The following MCTP2 variants were observed in gnomAD, a reference collection of about 807,000 sequenced individuals.
The protein encoded by MCTP2 is multiple C2 and transmembrane domain containing 2.
Under a neutral mutation model 111.6 loss-of-function variants are expected in MCTP2, and 132 were observed. That is an observed-to-expected ratio of 1.18 (90% CI 1.03 to 1.37). The LOEUF (loss-of-function observed/expected upper bound fraction) is 1.37. Ranked by LOEUF, MCTP2 falls within the 40% of genes most tolerant of loss-of-function variation. The pLI, the probability that MCTP2 is intolerant of heterozygous loss-of-function variation, is 0.00. For missense variants in MCTP2, 1,183 were observed against 1,067.9 expected, an observed-to-expected ratio of 1.11 and a Z score of -1.50; for synonymous variants, 395 against 387.7, an observed-to-expected ratio of 1.02 and a Z score of -0.22.
In MCTP2 at chr15:94,398,962, T is replaced by C; in HGVS notation, c.1790T>C (p.Ile597Thr). The C allele has an allele frequency of 6.5e-7, 1 of 1,528,432 alleles. No homozygotes were observed. Among genetic ancestry groups the C allele is most frequent in the South Asian group, 1.1e-5 (1 of 88,930 alleles). The allele number at this position is 1,528,432 out of a possible 1,614,324, so 94.7% of individuals were successfully genotyped here. A position where few individuals can be genotyped will look rare whatever the true frequency, so the allele number is the denominator to read the frequency against. The change falls in exon 15 of 23, where the codon ATT becomes ACT. Residue 597 changes from isoleucine to threonine, a missense_variant and splice_region_variant. Transcript: ENST00000357742. ...LGKVAIPLLSIRDGQPNCYVL... is the reference protein window; with the variant it reads ...LGKVAIPLLSTRDGQPNCYVL... ...TATTTTGTCTTTTGTTTGTGACAGA[T>C]TAGAGATGGACAACCGAATTGTTAT...
At chr15:94,369,981 T>C in intron 11 of MCTP2, 106 bp from the exon 12 acceptor site, 1 of 609,832 alleles carries the variant, frequency 1.6e-6, no homozygotes, top group Non-Finnish European at 2.6e-6. Context: ...AAAGATTTCA[T>C]GAGAAAAAGG....
At chr15:94,426,460 A>G (rs2082897606) in intron 17 of MCTP2, among the ~76,000 whole-genome samples, 1 of 152,042 alleles carries the variant, frequency 6.6e-6, no homozygotes, top group Non-Finnish European at 1.5e-5. Context: ...CCCTACTCCA[A>G]ATCACAAATT....
At chr15:94,464,251 TATATATTATA>T (rs2085411226) in intron 20 of MCTP2, among the ~76,000 whole-genome samples, 1 of 48,156 alleles carries the variant, frequency 2.1e-5, no homozygotes, top group Non-Finnish European at 4.4e-5. Context: ...TATATATATA[TATATATTATA>T]TATATATATA....
chr15:94,481,539 TA>T lies in MCTP2; in HGVS notation c.*2507del, dbSNP rs1348115077. On this transcript the variant is annotated 3_prime_UTR_variant, in exon 23 of 23. Transcript: ENST00000357742. ...TGATGCCAGTTACATTATGCCTAGT[TA>T]ATCTTCATTCAGACTGGAAGGACCT... 1.3e-5 allele frequency: 2 copies of T among 152,306 alleles called. No individual in the cohort carries two copies. The highest frequency in any genetic ancestry group is 4.8e-5 in the African/African-American group (2 of 41,472). The allele number at this position is 152,306 out of a possible 1,614,324, so 9.4% of individuals were successfully genotyped here. A position where few individuals can be genotyped will look rare whatever the true frequency, so the allele number is the denominator to read the frequency against.
intron 10 of MCTP2, among the ~76,000 whole-genome samples, chr15:94,361,084 GTTTTT>G (rs67774490): frequency 0.018 from 148 of 8,410 alleles, 1 homozygote; most frequent in African/African-American, 0.038. Context: ...AATATTTCAA[GTTTTT>G]TTTTTTTTTT....
At chr15:94,390,060 ATATATATATATATATATATATATATATAT>A (rs2080792522) in intron 14 of MCTP2, among the ~76,000 whole-genome samples, 1 of 11,512 alleles carries the variant, frequency 8.7e-5, no homozygotes. Context: ...ATATATATAT[ATATATATATATATATATATATATATATAT>A]GTATATATAT....
chr15:94,474,922 C>T (rs940714082), intron 21 of MCTP2, among the ~76,000 whole-genome samples: 1 of 151,670 alleles, frequency 6.6e-6, no homozygotes, highest in Admixed American at 6.6e-5. Context: ...CTCATTGGTG[C>T]ATTTGAGCTA....
intron 2 of MCTP2, among the ~76,000 whole-genome samples, chr15:94,308,784 C>T (rs1042305972): frequency 2.6e-5 from 4 of 152,176 alleles, no homozygotes; most frequent in African/African-American, 9.7e-5. Context: ...GGTGAGGTCA[C>T]ATGACATTGG....
intron 17 of MCTP2, among the ~76,000 whole-genome samples, chr15:94,427,123 T>C (rs2082932665): frequency 6.6e-6 from 1 of 152,176 alleles, no homozygotes; most frequent in African/African-American, 2.4e-5. Context: ...CTTGACTGTC[T>C]GCTATTCTTT....
chr15:94,244,062 A>G (rs149487395), intron 1 of MCTP2, among the ~76,000 whole-genome samples: 2,674 of 145,062 alleles, frequency 0.018, 65 homozygotes, highest in African/African-American at 0.061. Flanking sequence ...ATACACATAC[A>G]TATGTGTATA....
intron 1 of MCTP2, among the ~76,000 whole-genome samples, chr15:94,274,747 A>C (rs573954414): frequency 6.6e-6 from 1 of 152,256 alleles, no homozygotes; most frequent in South Asian, 2.1e-4. Flanking sequence ...ACATATATAC[A>C]CATGCATGCC....
chr15:94,388,826 G>A (rs1462285946), intron 14 of MCTP2, among the ~76,000 whole-genome samples: 1 of 152,186 alleles, frequency 6.6e-6, no homozygotes, highest in African/African-American at 2.4e-5. Context: ...ATAGAGACAG[G>A]ATTTGAATTT....
intron 1 of MCTP2, among the ~76,000 whole-genome samples, chr15:94,257,569 GTTTTTTTTTTTTTTTTTTTTTT>G (rs760633548): frequency 2.7e-4 from 9 of 33,822 alleles, no homozygotes; most frequent in Non-Finnish European, 3.8e-4. Context: ...TTTCTTTGTT[GTTTTTTTTTTTTTTTTTTTTTT>G]TTTTTTTTTT....
intron 1 of MCTP2, among the ~76,000 whole-genome samples, chr15:94,281,483 A>G (rs935893818): frequency 6.6e-6 from 1 of 152,180 alleles, no homozygotes; most frequent in Non-Finnish European, 1.5e-5. Context: ...TGAAGACAAC[A>G]TGCAGTTGGG....
At chr15:94,286,834 C>T (rs558104852) in intron 1 of MCTP2, among the ~76,000 whole-genome samples, 1 of 152,296 alleles carries the variant, frequency 6.6e-6, no homozygotes, top group African/African-American at 2.4e-5. Flanking sequence ...AAAGACCTTG[C>T]TCTGCCGTTA....
At chr15:94,244,922 A>T (rs1596155307) in intron 1 of MCTP2, among the ~76,000 whole-genome samples, 1 of 146,066 alleles carries the variant, frequency 6.8e-6, no homozygotes, top group African/African-American at 2.5e-5. Context: ...ATGTTTATAT[A>T]CGTATATGTA....
chr15:94,462,416 C>G (rs1421002650), intron 20 of MCTP2, among the ~76,000 whole-genome samples: 1 of 152,152 alleles, frequency 6.6e-6, no homozygotes, highest in Non-Finnish European at 1.5e-5. Flanking sequence ...CTGGAGAAAT[C>G]TATGAAAATG....
At chr15:94,329,420 G>T (rs114291830) in intron 4 of MCTP2, among the ~76,000 whole-genome samples, 5,476 of 152,160 alleles carry the variant, frequency 0.036, 329 homozygotes, top group African/African-American at 0.12. Context: ...CGTCATTGAC[G>T]CATGGTTCCA....
At chr15:94,233,591 T>G (rs1323826626) in intron 1 of MCTP2, among the ~76,000 whole-genome samples, 1 of 152,112 alleles carries the variant, frequency 6.6e-6, no homozygotes, top group East Asian at 1.9e-4. Context: ...TGTAAACCTG[T>G]GCTCACACAC....
Sources: gnomAD v4.1 joint callset for allele counts (sites outside exome capture counted in the v4.1 genomes callset) on GRCh38, gnomAD v4.1.1 for gene constraint, MANE v1.5 for transcripts, NCBI Gene and HGNC (gene_info 2026-07-23, HGNC 2026-07-21) for gene names.